ZNF251: variants seen among roughly 807,000 people sequenced by gnomAD.
ZNF251 encodes the protein zinc finger protein 251.
In ZNF251, 14 loss-of-function variants were observed where a neutral mutation model predicts 13.5. The observed-to-expected ratio is 1.04, with a 90% CI of 0.69 to 1.63. The LOEUF (loss-of-function observed/expected upper bound fraction) is 1.63. Among genes scored for constraint, ZNF251 ranks in the 40% most tolerant of loss-of-function variants. The probability of loss-of-function intolerance (pLI) is 0.00; values close to 1 mark genes in which losing one functional copy is unlikely to be tolerated. For synonymous variants in ZNF251, 287 were observed against 295.2 expected (o/e 0.97, Z 0.28); for missense variants, 764 against 834.9 (o/e 0.92, Z 1.05).
At position 144,723,379 on chromosome 8, in the gene ZNF251, G is replaced by C. The variant is rs574903575; in HGVS notation, c.281C>G (p.Ser94Cys). The C allele has an allele frequency of 2.9e-5, 43 of 1,465,696 alleles. No homozygotes were observed. The East Asian group carries it at 9.8e-4, about 33-fold the overall frequency. The allele number at this position is 1,465,696 out of a possible 1,614,324, so 90.8% of individuals were successfully genotyped here. ...TAGTTCCTTCTTGGTCCCAACCTCA[G>C]AATCTGTTAAAGAAAAATATAAATG... ...PDILKSCQKD[S>C]EVGTKKELSI... Residue 94 changes from serine to cysteine, a missense_variant, in exon 5 of 5, where the codon TCT (serine) becomes TGT (cysteine). By Grantham distance (112) the Ser-to-Cys change is moderately radical. Coordinates refer to ENST00000292562, the MANE Select transcript of ZNF251 (RefSeq NM_138367.2).
At chr8:144,726,497 T>C (rs1823521118) in intron 4 of ZNF251, among the ~76,000 whole-genome samples, 1 of 149,164 alleles carries the variant, frequency 6.7e-6, no homozygotes, top group South Asian at 2.1e-4. Flanking sequence ...GATTGTGTCA[T>C]TGTACTCCAG....
chr8:144,740,726 G>T (rs1824119577), intron 4 of ZNF251, among the ~76,000 whole-genome samples: 1 of 151,970 alleles, frequency 6.6e-6, no homozygotes, highest in Non-Finnish European at 1.5e-5. Context: ...CTAAGCTCAG[G>T]AATTCGAGAC....
intron 4 of ZNF251, among the ~76,000 whole-genome samples, chr8:144,745,028 C>G (rs1244046066): frequency 6.6e-6 from 1 of 152,084 alleles, no homozygotes; most frequent in Non-Finnish European, 1.5e-5. Context: ...AGCACCCCAG[C>G]CTGGGTGACC....
intron 4 of ZNF251, among the ~76,000 whole-genome samples, chr8:144,732,778 C>G (rs558682363): frequency 8.9e-5 from 13 of 146,122 alleles, no homozygotes; most frequent in South Asian, 4.4e-4. Flanking sequence ...CACCACTGCA[C>G]TCCAGCCTGG....
intron 4 of ZNF251, among the ~76,000 whole-genome samples, chr8:144,744,003 CGTT>C (rs1320890364): frequency 7.0e-6 from 1 of 143,016 alleles, no homozygotes; most frequent in Non-Finnish European, 1.5e-5. Context: ...CTCATTCTCT[CGTT>C]GTCTTTTTTT....
rs562197489 is a variant in ZNF251, at chr8:144,733,466, C to T, written c.278-10084G>A. On this transcript the variant is annotated intron_variant, in intron 4 of 4. Coordinates refer to ENST00000292562, the MANE Select transcript of ZNF251 (RefSeq NM_138367.2). The stretch of plus-strand genomic sequence containing the variant: ...TGAGCTCCGGCTGCCATGAGGCCTC[C>T]GGCAGCGGCCTGAGTTCCCAACCCC... Among the ~76,000 whole-genome samples the T allele has an allele frequency of 3.9e-5, 6 of 152,216 alleles. 1 individual carries two copies. Among genetic ancestry groups the T allele is most frequent in the Admixed American group, 1.3e-4 (2 of 15,276 alleles).
chr8:144,731,262 T>C (rs964669175), intron 4 of ZNF251, among the ~76,000 whole-genome samples: 1 of 152,182 alleles, frequency 6.6e-6, no homozygotes, highest in Non-Finnish European at 1.5e-5. Context: ...CCACAAACAG[T>C]GGCTATCAGA....
rs145613420 is a variant in ZNF251 at position 144,725,203 on chromosome 8, C to T, written c.278-1821G>A. ...TAATTTTTTGTAATTTTAATAGAGA[C>T]GGGGTTTCACCGTGTTGCCTAGGCT... On this transcript the variant is annotated intron_variant, in intron 4 of 4. Transcript: ENST00000292562. Among the ~76,000 whole-genome samples, 1,147 of 152,270 alleles carry T rather than the reference C, an allele frequency of 7.5e-3. 18 individuals carry two copies. Among genetic ancestry groups the T allele is most frequent in the African/African-American group, 0.026 (1,067 of 41,534 alleles).
At chr8:144,739,837 G>C (rs1824076446) in intron 4 of ZNF251, among the ~76,000 whole-genome samples, 1 of 151,756 alleles carries the variant, frequency 6.6e-6, no homozygotes, top group South Asian at 2.1e-4. Context: ...TAAGGCTGCA[G>C]CGAGCCAAGA....
intron 4 of ZNF251, among the ~76,000 whole-genome samples, chr8:144,727,472 C>T (rs532315652): frequency 5.3e-5 from 8 of 152,344 alleles, no homozygotes; most frequent in South Asian, 2.1e-4. Context: ...TTCTGGACAA[C>T]GTGCTGCAGC....
chr8:144,730,118 G>A, intron 4 of ZNF251: 4 of 985,440 alleles, frequency 4.1e-6, no homozygotes, highest in Non-Finnish European at 4.8e-6. Context: ...CGGCTGAAAA[G>A]TGCCAAAAGA....
intron 4 of ZNF251, among the ~76,000 whole-genome samples, chr8:144,729,340 T>A (rs1288722492): frequency 4.1e-5 from 3 of 73,576 alleles, no homozygotes; most frequent in South Asian, 1.6e-3. Context: ...TTTTTATTTT[T>A]TTTTTTTTTT....
chr8:144,754,902 C>T, intron 1 of ZNF251, 99 bp from the exon 2 acceptor site: 9 of 1,442,326 alleles, frequency 6.2e-6, no homozygotes, highest in East Asian at 2.6e-5. Context: ...TCCTGGGTCG[C>T]GGGAGGCAGG....
intron 4 of ZNF251, among the ~76,000 whole-genome samples, chr8:144,727,499 G>A (rs1823552457): frequency 6.6e-6 from 1 of 152,202 alleles, no homozygotes; most frequent in South Asian, 2.1e-4. Context: ...ATCAGCAGTG[G>A]CTGCTTCACC....
intron 4 of ZNF251, among the ~76,000 whole-genome samples, chr8:144,741,230 A>G (rs1294455335): frequency 1.3e-5 from 2 of 152,248 alleles, no homozygotes; most frequent in Non-Finnish European, 1.5e-5. Flanking sequence ...GAGCCCTGGG[A>G]CAGGCCAACA....
At chr8:144,727,300 C>T (rs1823547321) in intron 4 of ZNF251, among the ~76,000 whole-genome samples, 1 of 152,184 alleles carries the variant, frequency 6.6e-6, no homozygotes, top group African/African-American at 2.4e-5. Flanking sequence ...TAGTCCCTAA[C>T]AAGAGAGGCA....
chr8:144,733,887 G>A (rs1229561967), intron 4 of ZNF251, among the ~76,000 whole-genome samples: 1 of 152,372 alleles, frequency 6.6e-6, no homozygotes, highest in African/African-American at 2.4e-5. Flanking sequence ...CTGGGAGGGA[G>A]CGCACCCATG....
chr8:144,736,392 A>G (rs954120115), intron 4 of ZNF251, among the ~76,000 whole-genome samples: 1 of 152,180 alleles, frequency 6.6e-6, no homozygotes, highest in South Asian at 2.1e-4. Flanking sequence ...GGAGCCTACA[A>G]AAGGGAAAGC....
chr8:144,754,887 T>C (rs1824885138), intron 1 of ZNF251, 84 bp from the exon 2 acceptor site: 4 of 1,456,376 alleles, frequency 2.7e-6, no homozygotes, highest in Non-Finnish European at 3.6e-6. Context: ...ATTGCTGCTG[T>C]GGCCTCCTGG....
Sources: gnomAD v4.1 joint callset for allele counts (sites outside exome capture counted in the v4.1 genomes callset) on GRCh38, gnomAD v4.1.1 for gene constraint, MANE v1.5 for transcripts, NCBI Gene and HGNC (gene_info 2026-07-23, HGNC 2026-07-21) for gene names.